WDPCP: variants seen among roughly 807,000 people sequenced by gnomAD.
The protein encoded by WDPCP is WD repeat containing planar cell polarity effector, also known as WD repeat-containing and planar cell polarity effector protein fritz homolog.
A neutral mutation model predicts 93.1 loss-of-function variants in WDPCP; 71 were observed. The observed-to-expected ratio is 0.76, with a 90% CI of 0.63 to 0.93. The LOEUF is 0.93. WDPCP is among the 40% of genes least tolerant of loss of function. The pLI is 0.00. For synonymous variants in WDPCP, 315 were observed against 315.0 expected (o/e 1.00, Z 0.00); for missense variants, 844 against 887.4 (o/e 0.95, Z 0.62).
chr2:63,222,272 A>G (rs1677902038), intron 14 of WDPCP, among the ~76,000 whole-genome samples: 1 of 152,202 alleles, frequency 6.6e-6, no homozygotes, highest in Non-Finnish European at 1.5e-5. Flanking sequence ...CAGTGTCTGG[A>G]AGGCTTCCTC....
intron 14 of WDPCP, among the ~76,000 whole-genome samples, chr2:63,240,332 C>T (rs1380388600): frequency 6.6e-6 from 1 of 152,014 alleles, no homozygotes; most frequent in Non-Finnish European, 1.5e-5. Flanking sequence ...TGCGTGCCAC[C>T]ACCCCGAGCT....
chr2:63,706,440 T>C (rs181867618), intron 2 of WDPCP, among the ~76,000 whole-genome samples: 2 of 152,298 alleles, frequency 1.3e-5, no homozygotes, highest in East Asian at 3.9e-4. Flanking sequence ...ATACCGGTTG[T>C]TCCTTTCTAT....
At chr2:63,286,668 T>C (rs1684027385) in intron 13 of WDPCP, among the ~76,000 whole-genome samples, 1 of 152,212 alleles carries the variant, frequency 6.6e-6, no homozygotes, top group Non-Finnish European at 1.5e-5. Flanking sequence ...ACACGTGACA[T>C]GGATATTTTA....
chr2:63,225,067 AAAG>A (rs1386820418), intron 14 of WDPCP, among the ~76,000 whole-genome samples: 1 of 151,704 alleles, frequency 6.6e-6, no homozygotes, highest in African/African-American at 2.4e-5. Context: ...AAAAAAAAAA[AAAG>A]AAACCTATTA....
chr2:63,600,384 ATAAAT>A (rs957290545), intron 3 of WDPCP, among the ~76,000 whole-genome samples: 28 of 152,210 alleles, frequency 1.8e-4, no homozygotes, highest in Non-Finnish European at 3.5e-4. Flanking sequence ...CATACAGCTC[ATAAAT>A]TACGGAGCCA....
chr2:63,677,667 C>G (rs1710440582), intron 2 of WDPCP, among the ~76,000 whole-genome samples: 1 of 152,014 alleles, frequency 6.6e-6, no homozygotes, highest in Non-Finnish European at 1.5e-5. Context: ...CTTCAAAATG[C>G]TAAAAGAAAA....
At chr2:63,416,862 T>C (rs999145121) in intron 9 of WDPCP, among the ~76,000 whole-genome samples, 1 of 152,198 alleles carries the variant, frequency 6.6e-6, no homozygotes, top group Non-Finnish European at 1.5e-5. Context: ...ATACTTGGGT[T>C]CAGAATATAA....
At chr2:63,504,423 T>G (rs1701743341) in intron 1 of WDPCP, among the ~76,000 whole-genome samples, 1 of 151,210 alleles carries the variant, frequency 6.6e-6, no homozygotes, top group Non-Finnish European at 1.5e-5. Context: ...GAATAGCAGT[T>G]TCTCCAGAGT....
rs144733418 is a variant in WDPCP at position 63,693,297 on chromosome 2, A to AT, written n.309-42460_309-42459insA. On this transcript the variant is annotated intron_variant and non_coding_transcript_variant, in intron 2 of 4. Transcript: ENST00000467687. Reference sequence around the variant, plus strand: ...ATATGTTCGTATACCCATGAATATTAAGTAACTCTTCAAGAAAACAGTGCA... The same window carrying AT: ...ATATGTTCGTATACCCATGAATATTATAGTAACTCTTCAAGAAAACAGTGCA... Among the ~76,000 whole-genome samples the AT allele has an allele frequency of 1.5e-4, 23 of 152,330 alleles. No homozygotes were observed. In the East Asian group the frequency reaches 4.4e-3, roughly 29 times the overall value.
intron 1 of WDPCP, among the ~76,000 whole-genome samples, chr2:63,527,512 T>A (rs1428934990): frequency 6.6e-6 from 1 of 151,924 alleles, no homozygotes; most frequent in Non-Finnish European, 1.5e-5. Context: ...GAATGATGGT[T>A]TCCAGCTTCA....
intron 12 of WDPCP, among the ~76,000 whole-genome samples, chr2:63,319,886 CATT>C (rs1283120646): frequency 6.6e-6 from 1 of 152,110 alleles, no homozygotes; most frequent in East Asian, 1.9e-4. Context: ...ACATTTTAAA[CATT>C]ATAATTAATC....
At chr2:63,159,547 A>T (rs745832077) in intron 15 of WDPCP, among the ~76,000 whole-genome samples, 44 of 152,144 alleles carry the variant, frequency 2.9e-4, no homozygotes, top group Non-Finnish European at 1.0e-4. Flanking sequence ...GGTATCCTGG[A>T]CATTTTGAGT....
chr2:63,424,129 TCTAG>T (rs926163467), intron 9 of WDPCP, among the ~76,000 whole-genome samples: 19 of 151,924 alleles, frequency 1.3e-4, no homozygotes. Context: ...CCTCTGGGAT[TCTAG>T]CTACAAGAGA....
intron 13 of WDPCP, among the ~76,000 whole-genome samples, chr2:63,292,315 T>C (rs1310653219): frequency 2.2e-4 from 33 of 151,832 alleles, no homozygotes; most frequent in Admixed American, 2.2e-3. Context: ...TGGAGAAGGA[T>C]ATCAACATTA....
intron 2 of WDPCP, among the ~76,000 whole-genome samples, chr2:63,763,493 C>T (rs892740744): frequency 5.2e-5 from 7 of 135,744 alleles, no homozygotes; most frequent in African/African-American, 8.3e-5. Flanking sequence ...CAGAACAAGA[C>T]TTTGTCTCAA....
rs575821637 is a variant in WDPCP, at chr2:63,291,911, A to G, written c.1812+21337T>C. Among the ~76,000 whole-genome samples the G allele has an allele frequency of 8.0e-3, 1,212 of 152,062 alleles. 4 individuals carry two copies. Among genetic ancestry groups the G allele is most frequent in the Non-Finnish European group, 0.012 (823 of 67,966 alleles). ...CATGTTGGGAGGCCGAGGAGGGCGG[A>G]TCATGAGGTCAGGAGATCGAGACCA... On this transcript the variant is annotated intron_variant, in intron 13 of 17. Coordinates refer to ENST00000272321, the MANE Select transcript of WDPCP (RefSeq NM_015910.7).
intron 6 of WDPCP, among the ~76,000 whole-genome samples, chr2:63,478,259 A>G (rs1204747064): frequency 6.6e-6 from 1 of 152,130 alleles, no homozygotes; most frequent in Non-Finnish European, 1.5e-5. Flanking sequence ...TCAATACTCC[A>G]CTGACAGCAC....
intron 2 of WDPCP, among the ~76,000 whole-genome samples, chr2:63,709,245 G>A (rs1052933486): frequency 6.6e-6 from 1 of 151,234 alleles, no homozygotes; most frequent in African/African-American, 2.4e-5. Context: ...AACCCTGGAG[G>A]TGGAGGTTGC....
intron 1 of WDPCP, among the ~76,000 whole-genome samples, chr2:63,512,199 T>G (rs926417258): frequency 4.6e-5 from 7 of 152,294 alleles, no homozygotes; most frequent in African/African-American, 1.4e-4. Context: ...AGATACTATC[T>G]TACGCCAGTT....
Sources: allele counts gnomAD v4.1 joint callset (sites outside exome capture counted in the v4.1 genomes callset), GRCh38; gene constraint gnomAD v4.1.1; transcripts MANE v1.5; gene names NCBI Gene and HGNC (gene_info 2026-07-23, HGNC 2026-07-21).